Variants in DSCAML1 observed in about 807,000 individuals in gnomAD.
The protein encoded by DSCAML1 is cell adhesion molecule DSCAML1.
DSCAML1 carries 38 observed loss-of-function variants against 200.5 expected under a neutral mutation model. The observed-to-expected ratio is 0.19, with a 90% confidence interval of 0.15 to 0.25. The LOEUF (loss-of-function observed/expected upper bound fraction) is 0.25, where lower values mean the gene tolerates loss of function less well. Ranked by LOEUF, DSCAML1 falls within the 10% of genes least tolerant of loss-of-function variation. DSCAML1 has a pLI of 1.00. For missense variants in DSCAML1, 2,223 were observed against 2,858.8 expected (o/e 0.78, Z 5.07); for synonymous variants, 1,215 against 1,165.0 (o/e 1.04, Z -0.87).
chr11:117,698,478 A>G (rs2053619002), intron 3 of DSCAML1, among the ~76,000 whole-genome samples: 3 of 152,204 alleles, frequency 2.0e-5, no homozygotes, highest in Admixed American at 2.0e-4. Flanking sequence ...TTTGGGAACT[A>G]TCATACTGTT....
chr11:117,657,231 C>T (rs1382561065), intron 3 of DSCAML1, among the ~76,000 whole-genome samples: 1 of 152,186 alleles, frequency 6.6e-6, no homozygotes, highest in African/African-American at 2.4e-5. Context: ...GGCCCCATCT[C>T]CCTAGGACTT....
At chr11:117,800,555 G>A (rs2055648044), upstream of DSCAML1, among the ~76,000 whole-genome samples, 3 of 152,206 alleles carry the variant, frequency 2.0e-5, no homozygotes, top group South Asian at 6.2e-4. Flanking sequence ...TGGCACCTAT[G>A]CATATGCTCC....
rs577180149 is a variant in DSCAML1 at position 117,741,859 on chromosome 11, C to T, written c.511+34932G>A. ...CATGGAGCCCACAAGCTCCATACCA[C>T]AGGCAAAGTCCAAGTTGGCTTAGTA... On this transcript the variant is annotated intron_variant, in intron 3 of 32. Coordinates refer to ENST00000651296, the MANE Select transcript of DSCAML1 (RefSeq NM_020693.4). Among the ~76,000 whole-genome samples, 4 of 152,310 alleles carry T rather than the reference C, an allele frequency of 2.6e-5. No homozygotes were observed. The South Asian group carries it at 6.2e-4, about 24-fold the overall frequency.
At chr11:117,549,282 AG>A (rs2050430363) in intron 3 of DSCAML1, among the ~76,000 whole-genome samples, 1 of 152,244 alleles carries the variant, frequency 6.6e-6, no homozygotes, top group South Asian at 2.1e-4. Context: ...GCACAGCCCT[AG>A]CCTGGCACTT....
intron 3 of DSCAML1, among the ~76,000 whole-genome samples, chr11:117,564,646 T>G (rs969845558): frequency 4.0e-5 from 6 of 151,502 alleles, no homozygotes; most frequent in African/African-American, 1.5e-4. Flanking sequence ...TCTCTCTCTT[T>G]CTTTCTTTCT....
chr11:117,695,327 T>C lies in DSCAML1; in HGVS notation c.511+81464A>G, dbSNP rs552729224. On this transcript the variant is annotated intron_variant, in intron 3 of 32. Coordinates refer to ENST00000651296, the MANE Select transcript of DSCAML1 (RefSeq NM_020693.4). ...TTTCTTTCTTTTTCTTTTTTTTTTT[T>C]TTTTTTTGCTAACCAACCTGCAGAA... Among the ~76,000 whole-genome samples the C allele has an allele frequency of 4.7e-5, 7 of 149,692 alleles. No homozygotes were observed. The East Asian group carries it at 1.4e-3, about 29-fold the overall frequency.
In DSCAML1 at chr11:117,432,482, A is replaced by G. The variant is rs1489939179; in HGVS notation, c.5049T>C (p.Pro1683=). 2 of 1,614,088 alleles carry G rather than the reference A, an allele frequency of 1.2e-6. No individual in the cohort carries two copies. The highest frequency in any genetic ancestry group is 2.2e-5 in the South Asian group (2 of 91,062). ...CTTGGCTGAACTCAGCATCTGTCAC[A>G]GGGATGGTGGCCTTGTCATCTCCTG... is the stretch of plus-strand genomic sequence containing the variant. ...KQLGDDKATI[P]VTDAEFSQAV... The change falls in exon 30 of 33, where the codon CCT becomes CCC. Residue 1683 remains proline, a synonymous_variant. Coordinates refer to ENST00000651296, the MANE Select transcript of DSCAML1 (RefSeq NM_020693.4).
intron 3 of DSCAML1, among the ~76,000 whole-genome samples, chr11:117,648,733 T>C (rs1435595525): frequency 2.6e-5 from 4 of 152,176 alleles, no homozygotes; most frequent in Non-Finnish European, 5.9e-5. Flanking sequence ...GCTCCATAAA[T>C]GTTTATTCTC....
chr11:117,693,659 A>G (rs1193378136), intron 3 of DSCAML1, among the ~76,000 whole-genome samples: 1 of 152,148 alleles, frequency 6.6e-6, no homozygotes, highest in Non-Finnish European at 1.5e-5. Context: ...TGATGCTACT[A>G]ATAAGCTGCA....
At chr11:117,721,397 C>A (rs938888893) in intron 3 of DSCAML1, among the ~76,000 whole-genome samples, 5 of 152,118 alleles carry the variant, frequency 3.3e-5, no homozygotes, top group African/African-American at 1.2e-4. Context: ...GTAATAGTCA[C>A]CCCCTCCCCC....
At chr11:117,662,326 T>C (rs2052872558) in intron 3 of DSCAML1, among the ~76,000 whole-genome samples, 1 of 152,214 alleles carries the variant, frequency 6.6e-6, no homozygotes, top group Non-Finnish European at 1.5e-5. Context: ...TAGTTTTCAG[T>C]CTGGAAAAGA....
At position 117,482,154 on chromosome 11, in the gene DSCAML1, T is replaced by C. The variant is rs2048939381; in HGVS notation, c.2368A>G (p.Met790Val). Residue 790 changes from methionine to valine, a missense_variant, in exon 12 of 33, where the codon ATG becomes GTG. By Grantham distance (21) the Met-to-Val change is conservative. This residue lies in a region of DSCAML1 where 438 missense variants were observed against 629.7 expected (regional missense o/e 0.70). Transcript: ENST00000651296. ...GTGGTGTTGGGGTGGGAAGTGATCA[T>C]GGCCGGGACTGGGGGGCGGAGGCAG... ...SMFLTVKIPAMITSHPNTTIA... is the reference protein window; with the variant it reads ...SMFLTVKIPAVITSHPNTTIA... 6.2e-7 allele frequency: 1 copy of C among 1,614,016 alleles called. No homozygotes were observed. Among genetic ancestry groups the C allele is most frequent in the Non-Finnish European group, 8.5e-7 (1 of 1,179,946 alleles).
At chr11:117,725,833 CAAAACAAAACAAAACAAAAA>C (rs1444554543) in intron 3 of DSCAML1, among the ~76,000 whole-genome samples, 140 of 151,418 alleles carry the variant, frequency 9.2e-4, no homozygotes, top group Non-Finnish European at 1.4e-3. Context: ...CAAAACAAAA[CAAAACAAAACAAAACAAAAA>C]GGTAGGGAGG....
In DSCAML1 at chr11:117,428,447, C is replaced by T; in HGVS notation, c.6043G>A (p.Gly2015Ser). The change falls in exon 33 of 33, where the codon GGC becomes AGC. Residue 2015 changes from glycine (G) to serine (S), a missense_variant. Transcript: ENST00000651296. ...GAGCCCCCCATTTTGGTGTGTGGGC[C>T]CCCGGCTCGTGGAGGCTCGGTGCTG... ...APSTEPPRAG[G>S]PHTKMGGSRD... The T allele has an allele frequency of 2.6e-6, 4 of 1,538,704 alleles. No individual in the cohort carries two copies. The highest frequency in any genetic ancestry group is 2.6e-6 in the Non-Finnish European group (3 of 1,144,790).
Position 117,518,635 on chromosome 11 carries a change from G to T in DSCAML1, c.1341C>A (p.Pro447=). 1 of 1,613,504 alleles carries T rather than the reference G, an allele frequency of 6.2e-7. No homozygotes were observed. Among genetic ancestry groups the T allele is most frequent in the Non-Finnish European group, 8.5e-7 (1 of 1,179,912 alleles). The change falls in exon 7 of 33, where the codon CCC becomes CCA. Residue 447 remains proline (P), a synonymous_variant. Coordinates refer to ENST00000651296, the MANE Select transcript of DSCAML1 (RefSeq NM_020693.4). The surrounding 1 kb of genome is among the most constrained non-coding windows in gnomAD (Gnocchi z 6.3). The part of the protein sequence containing the change: ...PTVTWALDDE[P]IVRDGSHRTN... ...TGCGGTGGCTGCCATCCCGCACGAT[G>T]GGCTCATCGTCGAGGGCCCAGGTGA...
chr11:117,670,531 A>G (rs2137668637), intron 3 of DSCAML1, among the ~76,000 whole-genome samples: 1 of 152,174 alleles, frequency 6.6e-6, no homozygotes, highest in African/African-American at 2.4e-5. Context: ...AAGGTTTTGA[A>G]ACAAGGGAAT....
At chr11:117,724,634 G>A (rs2054092915) in intron 3 of DSCAML1, among the ~76,000 whole-genome samples, 1 of 152,254 alleles carries the variant, frequency 6.6e-6, no homozygotes, top group Admixed American at 6.5e-5. Context: ...TGGTTGCATT[G>A]TGGCTCCTGT....
chr11:117,731,583 C>T (rs1383096101), intron 3 of DSCAML1, among the ~76,000 whole-genome samples: 1 of 152,182 alleles, frequency 6.6e-6, no homozygotes, highest in Admixed American at 6.5e-5. Flanking sequence ...CAGGTGGCCC[C>T]CTGGATCCCC....
At chr11:117,546,193 A>G (rs521187) in intron 3 of DSCAML1, among the ~76,000 whole-genome samples, 96,160 of 152,066 alleles carry the variant, frequency 0.63, 31,344 homozygotes, top group East Asian at 0.84. Flanking sequence ...GACAGGTGTC[A>G]GAAGCACTCA....
Sources: gnomAD v4.1 joint callset for allele counts (sites outside exome capture counted in the v4.1 genomes callset) on GRCh38, gnomAD v4.1.1 for gene constraint, gnomAD v4.1.1 regional missense constraint, Gnocchi (gnomAD v3.1) non-coding constraint, MANE v1.5 for transcripts, NCBI Gene and HGNC (gene_info 2026-07-23, HGNC 2026-07-21) for gene names.